The following NLRP3 variants were observed in gnomAD, a reference collection of about 807,000 sequenced individuals.
NLRP3 encodes the protein NACHT, LRR and PYD domains-containing protein 3.
In NLRP3, 48 loss-of-function variants were observed where a neutral mutation model predicts 91.3. That is an observed-to-expected ratio of 0.53 (90% CI 0.42 to 0.67). NLRP3 has a LOEUF of 0.67. Among genes scored for constraint, NLRP3 ranks in the 30% least tolerant of loss-of-function variants. The pLI is 0.00. For missense variants in NLRP3, 982 were observed against 1,276.9 expected, an observed-to-expected ratio of 0.77 and a Z score of 3.52; for synonymous variants, 561 against 507.9, an observed-to-expected ratio of 1.10 and a Z score of -1.41.
In NLRP3 at chr1:247,448,537, C is replaced by G. The variant is rs1285528292; in HGVS notation, c.*33C>G. On this transcript the variant is annotated 3_prime_UTR_variant, in exon 10 of 10. Coordinates refer to ENST00000336119, the MANE Select transcript of NLRP3 (RefSeq NM_001243133.2). ...AACGGGGCTGCCAGACGCCAGTGTT[C>G]TCCGGTCCCTCCAGCTGGGGGCCCT... The G allele has an allele frequency of 7.6e-7, 1 of 1,315,390 alleles. No individual in the cohort carries two copies. Among genetic ancestry groups the G allele is most frequent in the African/African-American group, 1.4e-5 (1 of 69,038 alleles). The allele number at this position is 1,315,390 out of a possible 1,614,324, so 81.5% of individuals were successfully genotyped here.
At chr1:247,437,429 C>T (rs532017768) in intron 7 of NLRP3, among the ~76,000 whole-genome samples, 3 of 152,304 alleles carry the variant, frequency 2.0e-5, no homozygotes, top group African/African-American at 7.2e-5. Flanking sequence ...TTCCTTGGAC[C>T]TCTCCCATCA....
In NLRP3 at chr1:247,425,671, C is replaced by T; in HGVS notation, c.2150+72C>T. ...CTTCTTCTTGGCGCTTGCCTCCTCTCATCTCTTTTCAACTATCTTCCAAAT... is the reference window on the plus strand; with the variant it reads ...CTTCTTCTTGGCGCTTGCCTCCTCTTATCTCTTTTCAACTATCTTCCAAAT... On this transcript the variant is annotated intron_variant, in intron 4 of 9. Transcript: ENST00000336119. The surrounding 1 kb of genome is among the most constrained non-coding windows in gnomAD (Gnocchi z 4.1). The T allele has an allele frequency of 1.4e-6, 2 of 1,389,750 alleles. No homozygotes were observed. Among genetic ancestry groups the T allele is most frequent in the Non-Finnish European group, 2.0e-6 (2 of 993,618 alleles). 86.1% of individuals were successfully genotyped at this position (1,389,750 alleles called of 1,614,324 possible).
chr1:247,426,295 C>T (rs1351695551), intron 4 of NLRP3, among the ~76,000 whole-genome samples: 4 of 152,202 alleles, frequency 2.6e-5, no homozygotes, highest in Admixed American at 6.5e-5. Flanking sequence ...GCCAAAACCC[C>T]GTTTTCGGGT....
Position 247,425,363 on chromosome 1 carries a change from G to A in NLRP3, c.1914G>A (p.Glu638=), listed in dbSNP as rs752542962. 4 of 1,614,182 alleles carry A rather than the reference G, an allele frequency of 2.5e-6. No individual in the cohort carries two copies. Among genetic ancestry groups the A allele is most frequent in the Non-Finnish European group, 3.4e-6 (4 of 1,180,042 alleles). ...LFYCLYEMQE[E]DFVQRAMDYF... ...ACTGTTTGTACGAGATGCAGGAGGA[G>A]GACTTCGTGCAAAGGGCCATGGACT... is the stretch of plus-strand genomic sequence containing the variant. The change falls in exon 4 of 10, where the codon GAG becomes GAA. Residue 638 remains glutamate (E), a synonymous_variant. Transcript: ENST00000336119. The surrounding 1 kb of genome is among the most constrained non-coding windows in gnomAD (Gnocchi z 4.1).
At chr1:247,440,096 T>G (rs201661404) in intron 7 of NLRP3, among the ~76,000 whole-genome samples, 7 of 24,054 alleles carry the variant, frequency 2.9e-4, no homozygotes, top group South Asian at 1.2e-3. Flanking sequence ...ATAGCCTACG[T>G]GTTAGGTATA....
rs1215504919 is a variant in NLRP3, at chr1:247,418,449, C to T, written c.-352C>T. The stretch of plus-strand genomic sequence containing the variant: ...CCTGAGTAGCTGGGATTACAGGCGC[C>T]CGCCACCACACCCGGCTCATTTTTG... On this transcript the variant is annotated 5_prime_UTR_variant, in exon 2 of 10. Coordinates refer to ENST00000336119, the MANE Select transcript of NLRP3 (RefSeq NM_001243133.2). 3 of 334,050 alleles carry T rather than the reference C, an allele frequency of 9.0e-6. No individual in the cohort carries two copies. The highest frequency in any genetic ancestry group is 2.2e-5 in the African/African-American group (1 of 46,310). 20.7% of individuals were successfully genotyped at this position (334,050 alleles called of 1,614,324 possible).
chr1:247,420,303 A>G (rs1398153477), intron 2 of NLRP3, among the ~76,000 whole-genome samples: 1 of 152,134 alleles, frequency 6.6e-6, no homozygotes, highest in Admixed American at 6.5e-5. Context: ...TATGTATTCT[A>G]GATATTAACC....
chr1:247,446,220 C>T (rs368112071), intron 9 of NLRP3, among the ~76,000 whole-genome samples: 3 of 152,334 alleles, frequency 2.0e-5, no homozygotes, highest in East Asian at 1.9e-4. Flanking sequence ...GCCAGCTTCA[C>T]GGCTTCTTCC....
intron 4 of NLRP3, among the ~76,000 whole-genome samples, 186 bp from the exon 5 acceptor site, chr1:247,429,399 A>G (rs1663145524): frequency 6.6e-6 from 1 of 152,194 alleles, no homozygotes. Context: ...AGGAGGCAGA[A>G]CTGCTTTTAC....
Position 247,424,266 on chromosome 1 carries a change from C to G in NLRP3, c.817C>G (p.Leu273Val). 11 of 1,614,114 alleles carry G rather than the reference C, an allele frequency of 6.8e-6. No homozygotes were observed. The highest frequency in any genetic ancestry group is 9.3e-6 in the Non-Finnish European group (11 of 1,180,028). Residue 273 changes from leucine (L) to valine (V), a missense_variant, in exon 4 of 10, where the codon CTG (leucine) becomes GTG (valine). Leu to Val is a conservative substitution (Grantham distance 32, BLOSUM62 1). Transcript: ENST00000336119. The surrounding 1 kb of genome is among the most constrained non-coding windows in gnomAD (Gnocchi z 8.1). ...SLVTQRSLGD[L>V]IMSCCPDPNP... ...TGTGACACAGAGGAGCCTGGGGGAC[C>G]TGATCATGAGCTGCTGCCCCGACCC...
chr1:247,445,854 C>T (rs1258605052), intron 9 of NLRP3, among the ~76,000 whole-genome samples: 1 of 152,192 alleles, frequency 6.6e-6, no homozygotes, highest in Non-Finnish European at 1.5e-5. Context: ...AATTTTTCTT[C>T]CCTACACTTT....
Position 247,419,072 on chromosome 1 carries a change from A to C in NLRP3, c.272A>C (p.Lys91Thr). ...LYEKAKRDEP[K>T]WGSDNARVSN... ...GAGAAAGCAAAAAGAGATGAGCCGA[A>C]GTGGGGTGAGTGGAAGGAAGACTTT... Residue 91 changes from lysine (K) to threonine (T), a missense_variant, in exon 2 of 10, where the codon AAG (lysine) becomes ACG (threonine). Lys to Thr is a moderately conservative substitution (Grantham distance 78). Coordinates refer to ENST00000336119, the MANE Select transcript of NLRP3 (RefSeq NM_001243133.2). 6.2e-7 allele frequency: 1 copy of C among 1,609,612 alleles called. No individual in the cohort carries two copies. The highest frequency in any genetic ancestry group is 8.5e-7 in the Non-Finnish European group (1 of 1,179,882).
chr1:247,433,091 C>A (rs186874100), intron 5 of NLRP3, among the ~76,000 whole-genome samples: 131 of 152,052 alleles, frequency 8.6e-4, no homozygotes, highest in African/African-American at 3.0e-3. Flanking sequence ...CCTGTATTTG[C>A]AGCCACTTGG....
chr1:247,446,043 C>A (rs1664564684), intron 9 of NLRP3, among the ~76,000 whole-genome samples: 2 of 152,204 alleles, frequency 1.3e-5, no homozygotes, highest in Admixed American at 6.5e-5. Flanking sequence ...CTACCCGAAA[C>A]CTGATTCTTC....
In NLRP3 at chr1:247,429,598, C is replaced by T; in HGVS notation, c.2164C>T (p.His722Tyr). ...TCTAATTCCTAGATTGGTGAACAGC[C>T]ACCTCACTTCCAGTTTTTGCCGGGG... ...AACSHGLVNS[H>Y]LTSSFCRGLF... The change falls in exon 5 of 10, where the codon CAC becomes TAC. Residue 722 changes from histidine (H) to tyrosine (Y), a missense_variant. Around this residue, in one of 5 missense-constraint regions of NLRP3, gnomAD observed 373 missense variants for 431.5 expected, o/e 0.86. Coordinates refer to ENST00000336119, the MANE Select transcript of NLRP3 (RefSeq NM_001243133.2). 1.2e-6 allele frequency: 2 copies of T among 1,614,168 alleles called. No homozygotes were observed. Among genetic ancestry groups the T allele is most frequent in the Non-Finnish European group, 1.7e-6 (2 of 1,180,010 alleles).
intron 6 of NLRP3, 60 bp from the exon 7 acceptor site, chr1:247,435,910 C>T (rs910059272): frequency 1.3e-6 from 2 of 1,568,658 alleles, no homozygotes; most frequent in East Asian, 4.5e-5. Flanking sequence ...CGGGTGCTTC[C>T]TTGTCCATGG....
At chr1:247,436,673 A>C (rs1558203387) in intron 7 of NLRP3, among the ~76,000 whole-genome samples, 2 of 152,346 alleles carry the variant, frequency 1.3e-5, no homozygotes, top group Admixed American at 1.3e-4. Flanking sequence ...TGTGGTGCCC[A>C]GACCTGATGA....
At position 247,444,676 on chromosome 1, in the gene NLRP3, C is replaced by T. The variant is rs372087108; in HGVS notation, c.2860C>T (p.His954Tyr). ...LELDNCNLTS[H>Y]CCWDLSTLLT... ...ATTAGACAACTGCAACCTCACGTCACACTGCTGCTGGGATCTTTCCACACT... is the reference window on the plus strand; with the variant it reads ...ATTAGACAACTGCAACCTCACGTCATACTGCTGCTGGGATCTTTCCACACT... The change falls in exon 9 of 10, where the codon CAC becomes TAC. Residue 954 changes from histidine to tyrosine, a missense_variant. Physicochemically the swap from His to Tyr is moderately conservative, Grantham distance 83. Around this residue, in one of 5 missense-constraint regions of NLRP3, gnomAD observed 373 missense variants for 431.5 expected, o/e 0.86. Transcript: ENST00000336119. The T allele has an allele frequency of 6.8e-6, 11 of 1,613,958 alleles. No homozygotes were observed. In the African/African-American group the frequency reaches 1.2e-4, roughly 18 times the overall value.
At chr1:247,426,653 G>T (rs1301823154) in intron 4 of NLRP3, among the ~76,000 whole-genome samples, 1 of 152,256 alleles carries the variant, frequency 6.6e-6, no homozygotes, top group African/African-American at 2.4e-5. Context: ...CGCAGTGGTG[G>T]TGAAGACCCA....
Sources: gnomAD v4.1 joint callset for allele counts (sites outside exome capture counted in the v4.1 genomes callset) on GRCh38, gnomAD v4.1.1 for gene constraint, gnomAD v4.1.1 regional missense constraint, Gnocchi (gnomAD v3.1) non-coding constraint, MANE v1.5 for transcripts, NCBI Gene and HGNC (gene_info 2026-07-23, HGNC 2026-07-21) for gene names.